Variants in RUNX1 observed in about 807,000 individuals in gnomAD.
RUNX1 encodes RUNX family transcription factor 1.
Under a neutral mutation model 42.8 loss-of-function variants are expected in RUNX1, and 19 were observed. The observed-to-expected ratio is 0.44, with a 90% CI of 0.31 to 0.65. The LOEUF (loss-of-function observed/expected upper bound fraction) is 0.65, where lower values mean the gene tolerates loss of function less well. RUNX1 is among the 30% of genes least tolerant of loss of function. The pLI is 0.07. For missense variants in RUNX1, 528 were observed against 672.0 expected (o/e 0.79, Z 2.37); for synonymous variants, 271 against 289.4 (o/e 0.94, Z 0.64).
chr21:34,826,434 C>CT (rs772880673), intron 7 of RUNX1, among the ~76,000 whole-genome samples: 71,349 of 105,410 alleles, frequency 0.68, 27,958 homozygotes, highest in East Asian at 0.93. Flanking sequence ...TTCTTTCTTT[C>CT]TTTTTTTTTT....
chr21:34,802,418 G>T (rs1461993645), intron 7 of RUNX1, among the ~76,000 whole-genome samples: 1 of 152,254 alleles, frequency 6.6e-6, no homozygotes, highest in Non-Finnish European at 1.5e-5. Flanking sequence ...CCAGGATCTT[G>T]TGATGCTTGG....
At chr21:34,985,573 C>G (rs544125334) in intron 2 of RUNX1, among the ~76,000 whole-genome samples, 1 of 152,304 alleles carries the variant, frequency 6.6e-6, no homozygotes, top group East Asian at 1.9e-4. Context: ...CAACCACACA[C>G]CAATCCCTAT....
intron 2 of RUNX1, among the ~76,000 whole-genome samples, chr21:34,922,218 G>T (rs549128148): frequency 1.3e-5 from 2 of 152,222 alleles, no homozygotes; most frequent in East Asian, 1.9e-4. Flanking sequence ...GGTGTGTGCC[G>T]GTTCTAGAGG....
chr21:34,845,551 C>T (rs2146141954), intron 6 of RUNX1, among the ~76,000 whole-genome samples: 1 of 152,306 alleles, frequency 6.6e-6, no homozygotes, highest in South Asian at 2.1e-4. Flanking sequence ...TTTGAACTTT[C>T]CTCTCCTTTT....
rs1190196552 is a variant in RUNX1, at chr21:34,887,113, C to T, written c.98-17G>A. ...TGCTGGCATCTACGGGGATACGCAT[C>T]ACAACAAGCCGATTGAGTTAGGACC... On this transcript the variant is annotated splice_polypyrimidine_tract_variant and intron_variant, in intron 3 of 8. Transcript: ENST00000675419. 5 of 1,597,812 alleles carry T rather than the reference C, an allele frequency of 3.1e-6. No individual in the cohort carries two copies. The highest frequency in any genetic ancestry group is 4.2e-6 in the Non-Finnish European group (5 of 1,179,828).
intron 2 of RUNX1, among the ~76,000 whole-genome samples, chr21:35,039,048 A>C (rs77674154): frequency 0.017 from 2,656 of 152,312 alleles, 69 homozygotes; most frequent in African/African-American, 0.061. Flanking sequence ...TCCTATGGCA[A>C]CTGCATTTCT....
chr21:34,819,338 G>A (rs567314660), intron 7 of RUNX1, among the ~76,000 whole-genome samples: 1 of 152,222 alleles, frequency 6.6e-6, no homozygotes, highest in Non-Finnish European at 1.5e-5. Flanking sequence ...AGAGCCACAC[G>A]CTATGGGAGG....
chr21:34,960,556 C>G (rs1333608279), intron 2 of RUNX1, among the ~76,000 whole-genome samples: 1 of 152,150 alleles, frequency 6.6e-6, no homozygotes, highest in Non-Finnish European at 1.5e-5. Flanking sequence ...AAATGTAAAC[C>G]AGTAAGCTGA....
intron 6 of RUNX1, among the ~76,000 whole-genome samples, chr21:34,849,398 T>TA (rs1569052617): frequency 4.2e-5 from 2 of 47,678 alleles, no homozygotes; most frequent in Admixed American, 4.4e-4. Flanking sequence ...ATATAATATA[T>TA]TATACTATAT....
chr21:34,966,652 A>G (rs2058720751), intron 2 of RUNX1, among the ~76,000 whole-genome samples: 1 of 152,260 alleles, frequency 6.6e-6, no homozygotes. Context: ...TTTTTCCCCA[A>G]GGATCAGATA....
chr21:34,994,248 A>C (rs79779281), intron 2 of RUNX1, among the ~76,000 whole-genome samples: 1 of 152,074 alleles, frequency 6.6e-6, no homozygotes, highest in South Asian at 2.1e-4. Flanking sequence ...TAAAAAAAAA[A>C]CTTCCAAGAC....
At chr21:35,007,298 C>T (rs1442901832) in intron 2 of RUNX1, among the ~76,000 whole-genome samples, 4 of 152,124 alleles carry the variant, frequency 2.6e-5, no homozygotes, top group South Asian at 2.1e-4. Context: ...GAGGTTGAGC[C>T]CCATGGGCAG....
chr21:34,826,781 C>A (rs2146031443), intron 7 of RUNX1, among the ~76,000 whole-genome samples: 1 of 152,248 alleles, frequency 6.6e-6, no homozygotes, highest in African/African-American at 2.4e-5. Context: ...ATTACCCAGT[C>A]TCAGGCATTT....
At chr21:35,038,238 G>A (rs1417397590) in intron 2 of RUNX1, among the ~76,000 whole-genome samples, 3 of 152,080 alleles carry the variant, frequency 2.0e-5, no homozygotes, top group Admixed American at 6.5e-5. Context: ...CCAATACCTC[G>A]ATTCTAAAGC....
intron 2 of RUNX1, among the ~76,000 whole-genome samples, chr21:34,964,483 ATC>A (rs1163630829): frequency 9.2e-6 from 1 of 108,758 alleles, no homozygotes; most frequent in African/African-American, 4.2e-5. Context: ...GCGAGACTCC[ATC>A]TCAAAAAAAA....
intron 2 of RUNX1, among the ~76,000 whole-genome samples, chr21:34,975,447 A>G (rs2058794610): frequency 6.6e-6 from 1 of 152,226 alleles, no homozygotes; most frequent in South Asian, 2.1e-4. Context: ...GTTAGGTATT[A>G]TAAGTAATCT....
At position 35,042,809 on chromosome 21, in the gene RUNX1, C is replaced by T. The variant is rs144855232; in HGVS notation, c.58+6033G>A. On this transcript the variant is annotated intron_variant, in intron 2 of 8. Transcript: ENST00000675419. ...AGCCACTGTGGTCAGCTTTTCTCTA[C>T]GTGCAGCCAAACATAATTTTCATGG... 2.5e-4 allele frequency among the ~76,000 whole-genome samples: 38 copies of T among 152,320 alleles called. No homozygotes were observed. The East Asian group carries it at 5.6e-3, about 22-fold the overall frequency.
intron 2 of RUNX1, among the ~76,000 whole-genome samples, chr21:34,962,256 T>C (rs961020855): frequency 1.3e-5 from 2 of 152,200 alleles, no homozygotes; most frequent in African/African-American, 4.8e-5. Context: ...AGAAGTTCAT[T>C]GCACTGTTTG....
intron 7 of RUNX1, among the ~76,000 whole-genome samples, chr21:34,812,811 A>G (rs987013741): frequency 3.9e-5 from 6 of 152,252 alleles, no homozygotes; most frequent in Non-Finnish European, 7.3e-5. Context: ...AGGCTTTCTC[A>G]TAGAAGCCAT....
Sources: gnomAD v4.1 joint callset for allele counts (sites outside exome capture counted in the v4.1 genomes callset) on GRCh38, gnomAD v4.1.1 for gene constraint, MANE v1.5 for transcripts, NCBI Gene and HGNC (gene_info 2026-07-23, HGNC 2026-07-21) for gene names.